The following ATPAF2 variants were observed in gnomAD, a reference collection of about 807,000 sequenced individuals.
ATPAF2 encodes ATP synthase mitochondrial F1 complex assembly factor 2.
Under a neutral mutation model 36.6 loss-of-function variants are expected in ATPAF2, and 30 were observed. That is an observed-to-expected ratio of 0.82 (90% CI 0.61 to 1.11). ATPAF2 has a LOEUF of 1.11. Ranked by LOEUF, ATPAF2 falls within the 50% of genes most tolerant of loss-of-function variation. The pLI is 0.00. For synonymous variants in ATPAF2, 140 were observed against 152.6 expected, an observed-to-expected ratio of 0.92 and a Z score of 0.61; for missense variants, 321 against 372.3, an observed-to-expected ratio of 0.86 and a Z score of 1.13.
intron 1 of ATPAF2, among the ~76,000 whole-genome samples, chr17:18,037,375 G>A (rs1456852699): frequency 6.6e-6 from 1 of 152,146 alleles, no homozygotes; most frequent in Non-Finnish European, 1.5e-5. Context: ...GGGTCACAAA[G>A]TCAGGAGTTC....
At chr17:18,016,835 G>A, downstream of ATPAF2, 7 of 459,432 alleles carry the variant, frequency 1.5e-5, no homozygotes, top group South Asian at 3.3e-5. Context: ...TCCAAAAGTA[G>A]AGAAAATAAA....
At chr17:18,032,348 G>T (rs183956578) in intron 1 of ATPAF2, among the ~76,000 whole-genome samples, 1 of 152,138 alleles carries the variant, frequency 6.6e-6, no homozygotes, top group Admixed American at 6.5e-5. Context: ...TTTCTGTTTT[G>T]TTGGCCAGGC....
intron 7 of ATPAF2, among the ~76,000 whole-genome samples, chr17:18,020,020 G>A (rs1226577599): frequency 2.6e-5 from 4 of 152,114 alleles, no homozygotes; most frequent in African/African-American, 9.7e-5. Context: ...GGCCTCCTTT[G>A]TTATACAAAA....
intron 1 of ATPAF2, among the ~76,000 whole-genome samples, chr17:18,033,095 A>G (rs979609952): frequency 7.9e-5 from 12 of 152,134 alleles, no homozygotes; most frequent in Non-Finnish European, 1.3e-4. Flanking sequence ...GGGGCCGGGC[A>G]TGGTGGCTCA....
chr17:18,018,962 C>T (rs2044426056), intron 7 of ATPAF2, among the ~76,000 whole-genome samples: 1 of 152,064 alleles, frequency 6.6e-6, no homozygotes, highest in Non-Finnish European at 1.5e-5. Context: ...TATGGTGCAA[C>T]CTCGCCTCTA....
In ATPAF2 at chr17:18,018,504, G is replaced by A; in HGVS notation, c.*45C>T. 6.2e-7 allele frequency: 1 copy of A among 1,609,666 alleles called. No homozygotes were observed. The highest frequency in any genetic ancestry group is 8.5e-7 in the Non-Finnish European group (1 of 1,179,872). On this transcript the variant is annotated 3_prime_UTR_variant, in exon 8 of 8. Coordinates refer to ENST00000474627, the MANE Select transcript of ATPAF2 (RefSeq NM_145691.4). ...GGGAGCCCTGAAGGCCGGGGGAGCT[G>A]TGGCTGCACTGCCTCTATCCTGCTG...
At chr17:18,019,187 C>CACACACACACACACCA (rs1256217214) in intron 7 of ATPAF2, among the ~76,000 whole-genome samples, 2 of 40,428 alleles carry the variant, frequency 4.9e-5, no homozygotes, top group African/African-American at 9.0e-5. Context: ...ACACACACAC[C>CACACACACACACACCA]CCACCACCCC....
In ATPAF2 at chr17:18,024,646, T is replaced by G; in HGVS notation, c.481A>C (p.Ile161Leu). Residue 161 changes from isoleucine (I) to leucine (L), a missense_variant, in exon 5 of 8, where the codon ATC becomes CTC. Physicochemically the swap from Ile to Leu is conservative, Grantham distance 5. Coordinates refer to ENST00000474627, the MANE Select transcript of ATPAF2 (RefSeq NM_145691.4). ...VELQRNEWDP[I>L]IEWAEKRYGV... Reference sequence around the variant, plus strand: ...TACCTTTTCTCAGCCCATTCGATGATTGGATCCCACTCATTCCTTTGAAGT... The same window carrying G: ...TACCTTTTCTCAGCCCATTCGATGAGTGGATCCCACTCATTCCTTTGAAGT... 6.8e-6 allele frequency: 11 copies of G among 1,614,038 alleles called. No individual in the cohort carries two copies. The highest frequency in any genetic ancestry group is 9.3e-6 in the Non-Finnish European group (11 of 1,179,914).
At position 18,039,094 on chromosome 17, in the gene ATPAF2, G is replaced by C. The variant is rs2044751939; in HGVS notation, c.-81C>G. The C allele has an allele frequency of 1.3e-6, 2 of 1,538,148 alleles. No individual in the cohort carries two copies. The highest frequency in any genetic ancestry group is 1.8e-6 in the Non-Finnish European group (2 of 1,140,668). On this transcript the variant is annotated 5_prime_UTR_variant, in exon 1 of 8. Coordinates refer to ENST00000474627, the MANE Select transcript of ATPAF2 (RefSeq NM_145691.4). This position sits in a 1 kb window ranked among gnomAD's most constrained non-coding sequence, Gnocchi z 5.3. The stretch of plus-strand genomic sequence containing the variant: ...AGCGATGGGATCCCCAAAGCCGCAC[G>C]GTCGGGCTGTACGGAAACCTCTCAA...
chr17:18,021,683 G>A, intron 6 of ATPAF2, 62 bp downstream of exon 6: 1 of 1,426,900 alleles, frequency 7.0e-7, no homozygotes, highest in Non-Finnish European at 9.9e-7. Flanking sequence ...GGCAAGTACA[G>A]GCTTCAGACA....
In ATPAF2 at chr17:18,026,857, G is replaced by A. The variant is rs556874249; in HGVS notation, c.325-441C>T. The stretch of plus-strand genomic sequence containing the variant: ...TAGTGATGGAGCTCAAATCTGACTG[G>A]AAACCTTTACCAGCTGCCTCCCTTA... On this transcript the variant is annotated intron_variant, in intron 3 of 7. Coordinates refer to ENST00000474627, the MANE Select transcript of ATPAF2 (RefSeq NM_145691.4). The A allele has an allele frequency of 5.0e-5, 10 of 201,916 alleles. 1 individual carries two copies. The South Asian group carries it at 8.7e-4, about 18-fold the overall frequency. The allele number at this position is 201,916 out of a possible 1,614,324, so 12.5% of individuals were successfully genotyped here. A position where few individuals can be genotyped will look rare whatever the true frequency, so the allele number is the denominator to read the frequency against.
chr17:18,032,047 A>G (rs1287415158), intron 1 of ATPAF2, among the ~76,000 whole-genome samples: 2 of 152,138 alleles, frequency 1.3e-5, no homozygotes, highest in African/African-American at 4.8e-5. Flanking sequence ...GTGTTTTCCA[A>G]TGCAACAGGC....
chr17:18,021,602 G>A (rs931945412), intron 6 of ATPAF2, 143 bp downstream of exon 6: 6 of 795,540 alleles, frequency 7.5e-6, no homozygotes, highest in Admixed American at 1.8e-5. Context: ...GCTAGCATCA[G>A]AGCCACCCAG....
chr17:18,017,640 G>A (rs576090642), downstream of ATPAF2, among the ~76,000 whole-genome samples: 12 of 152,382 alleles, frequency 7.9e-5, no homozygotes, highest in Middle Eastern at 6.8e-3. Context: ...AGTTCAGGGA[G>A]ACAGTGCATG....
At chr17:18,025,831 G>A (rs957463371) in intron 4 of ATPAF2, among the ~76,000 whole-genome samples, 1 of 152,196 alleles carries the variant, frequency 6.6e-6, no homozygotes, top group African/African-American at 2.4e-5. Flanking sequence ...GGGCTAGCAG[G>A]CACGGTGCTG....
downstream of ATPAF2, chr17:18,016,140 G>A (rs774076446): frequency 5.0e-6 from 8 of 1,613,958 alleles, no homozygotes; most frequent in South Asian, 2.2e-5. Context: ...ATTGACAATC[G>A]AGAAGATGAG....
downstream of ATPAF2, chr17:18,015,474 T>C (rs2044325154): frequency 6.5e-6 from 1 of 152,756 alleles, no homozygotes; most frequent in Non-Finnish European, 1.5e-5. Flanking sequence ...GTGAGGCCTA[T>C]TAGAAGGTGG....
At chr17:18,035,114 A>T (rs2044686287) in intron 1 of ATPAF2, among the ~76,000 whole-genome samples, 1 of 152,108 alleles carries the variant, frequency 6.6e-6, no homozygotes, top group Admixed American at 6.5e-5. Flanking sequence ...CTGTAGCCCT[A>T]GCTACTTGGG....
chr17:18,034,408 TA>T (rs201564090), intron 1 of ATPAF2, among the ~76,000 whole-genome samples: 1 of 150,356 alleles, frequency 6.7e-6, no homozygotes, highest in African/African-American at 2.4e-5. Context: ...CCCCTCTCTT[TA>T]AAAAAAAACA....
Sources: gnomAD v4.1 joint callset for allele counts (sites outside exome capture counted in the v4.1 genomes callset) on GRCh38, gnomAD v4.1.1 for gene constraint, Gnocchi (gnomAD v3.1) non-coding constraint, MANE v1.5 for transcripts, NCBI Gene and HGNC (gene_info 2026-07-23, HGNC 2026-07-21) for gene names.